Variants in ANKHD1 observed in about 807,000 individuals in gnomAD.
The protein encoded by ANKHD1 is ankyrin repeat and KH domain-containing protein 1.
Under a neutral mutation model 230.5 loss-of-function variants are expected in ANKHD1, and 31 were observed. That is an observed-to-expected ratio of 0.13 (90% CI 0.10 to 0.18). The LOEUF (loss-of-function observed/expected upper bound fraction) is 0.18. Ranked by LOEUF, ANKHD1 falls within the 10% of genes least tolerant of loss-of-function variation. ANKHD1 has a pLI of 1.00. For synonymous variants in ANKHD1, 1,074 were observed against 1,117.6 expected (o/e 0.96, Z 0.78); for missense variants, 2,256 against 3,071.3 (o/e 0.73, Z 6.27).
chr5:140,534,623 A>C (rs374317980), intron 29 of ANKHD1, among the ~76,000 whole-genome samples: 3 of 152,214 alleles, frequency 2.0e-5, no homozygotes, highest in Non-Finnish European at 2.9e-5. Context: ...TGGGGAAATC[A>C]AAGTCTGAAA....
intron 13 of ANKHD1, chr5:140,486,716 C>T: frequency 3.5e-6 from 1 of 285,534 alleles, no homozygotes; most frequent in Non-Finnish European, 6.7e-6. Context: ...TTCTATTCAG[C>T]AAGGGAGTAA....
intron 1 of ANKHD1, among the ~76,000 whole-genome samples, chr5:140,428,107 C>T (rs1241250144): frequency 6.6e-6 from 1 of 151,142 alleles, no homozygotes; most frequent in Non-Finnish European, 1.5e-5. Flanking sequence ...TCCTCACTTC[C>T]TAGATGGGAT....
chr5:140,529,838 A>G (rs1214558531), intron 29 of ANKHD1, 42 bp downstream of exon 29: 6 of 1,599,490 alleles, frequency 3.8e-6, no homozygotes, highest in Admixed American at 1.7e-5. Context: ...TGGAGCTCCT[A>G]TGGCCTAATC....
At chr5:140,404,776 C>G (rs1770284222) in intron 1 of ANKHD1, among the ~76,000 whole-genome samples, 1 of 150,952 alleles carries the variant, frequency 6.6e-6, no homozygotes. Context: ...TCCAGGCTAG[C>G]CTCAAACTCC....
intron 10 of ANKHD1, among the ~76,000 whole-genome samples, chr5:140,465,537 C>T (rs1455876149): frequency 1.3e-5 from 2 of 152,128 alleles, no homozygotes; most frequent in African/African-American, 4.8e-5. Context: ...TGATACATTT[C>T]TTAAAAACTT....
At chr5:140,493,312 G>A (rs1328857323) in intron 14 of ANKHD1, among the ~76,000 whole-genome samples, 2 of 152,098 alleles carry the variant, frequency 1.3e-5, no homozygotes, top group African/African-American at 2.4e-5. Context: ...TGATCCACCC[G>A]TCTTGGCCTC....
chr5:140,537,965 C>CT, intron 31 of ANKHD1, 121 bp from the exon 32 acceptor site: 1 of 1,415,498 alleles, frequency 7.1e-7, no homozygotes, highest in Non-Finnish European at 9.3e-7. Flanking sequence ...GATAAATACG[C>CT]TTTGAGCTCT....
chr5:140,510,045 A>G lies in ANKHD1; in HGVS notation c.3968A>G (p.Lys1323Arg). 1 of 1,613,888 alleles carries G rather than the reference A, an allele frequency of 6.2e-7. No individual in the cohort carries two copies. Among genetic ancestry groups the G allele is most frequent in the East Asian group, 2.2e-5 (1 of 44,876 alleles). ...HRGAHIDVRNKKGNTPLWLAS... is the reference protein window; with the variant it reads ...HRGAHIDVRNRKGNTPLWLAS... Reference sequence around the variant, plus strand: ...GGAGCCCACATTGATGTTCGTAACAAAAAGGGAAATACGCCACTTTGGCTG... The same window carrying G: ...GGAGCCCACATTGATGTTCGTAACAGAAAGGGAAATACGCCACTTTGGCTG... Residue 1323 changes from lysine to arginine, a missense_variant, in exon 22 of 34, where the codon AAA (lysine) becomes AGA (arginine). Lys to Arg is a conservative substitution (Grantham distance 26). Transcript: ENST00000360839.
At chr5:140,452,299 G>T (rs1044240136) in intron 7 of ANKHD1, among the ~76,000 whole-genome samples, 1 of 152,216 alleles carries the variant, frequency 6.6e-6, no homozygotes, top group African/African-American at 2.4e-5. Flanking sequence ...TGGGGGCAGG[G>T]CATAGCTGAA....
At chr5:140,513,341 A>G (rs772198423) in intron 23 of ANKHD1, 22 bp from the exon 24 acceptor site, 2 of 1,592,500 alleles carry the variant, frequency 1.3e-6, no homozygotes, top group South Asian at 1.2e-5. Context: ...ATATATTTAC[A>G]TAATTCTATT....
At chr5:140,466,503 C>A (rs1359157519) in intron 10 of ANKHD1, among the ~76,000 whole-genome samples, 1 of 151,930 alleles carries the variant, frequency 6.6e-6, no homozygotes, top group African/African-American at 2.4e-5. Context: ...ATATCTGTTA[C>A]ATTTTTAAAT....
intron 1 of ANKHD1, among the ~76,000 whole-genome samples, chr5:140,427,061 C>T (rs1230785920): frequency 5.9e-5 from 9 of 152,086 alleles, no homozygotes; most frequent in Admixed American, 4.6e-4. Context: ...GGTGGCCGGG[C>T]GGAGGGGCTC....
chr5:140,427,345 G>C (rs1434865524), intron 1 of ANKHD1, among the ~76,000 whole-genome samples: 14 of 134,534 alleles, frequency 1.0e-4, no homozygotes, highest in Non-Finnish European at 1.6e-4. Context: ...CCTCCCTCCC[G>C]GACGGGGCGG....
At position 140,485,575 on chromosome 5, in the gene ANKHD1, C is replaced by T. The variant is rs1297406718; in HGVS notation, c.1999-14C>T. The T allele has an allele frequency of 6.2e-7, 1 of 1,611,548 alleles. No individual in the cohort carries two copies. The highest frequency in any genetic ancestry group is 2.2e-5 in the East Asian group (1 of 44,818). On this transcript the variant is annotated splice_polypyrimidine_tract_variant and intron_variant, in intron 12 of 33. Coordinates refer to ENST00000360839, the MANE Select transcript of ANKHD1 (RefSeq NM_017747.3). The surrounding 1 kb of genome is among the most constrained non-coding windows in gnomAD (Gnocchi z 4.8). ...AACTATAAAGAATTAATTATCATGG[C>T]AATTCTTTTTCAGGATGGTTCAACA...
At chr5:140,468,813 A>G (rs1424668239) in intron 10 of ANKHD1, among the ~76,000 whole-genome samples, 1 of 152,236 alleles carries the variant, frequency 6.6e-6, no homozygotes, top group African/African-American at 2.4e-5. Flanking sequence ...TAGTTTTTAA[A>G]TATTACAAAT....
chr5:140,503,518 T>G (rs1436215203), intron 15 of ANKHD1, among the ~76,000 whole-genome samples: 1 of 146,624 alleles, frequency 6.8e-6, no homozygotes, highest in South Asian at 2.2e-4. Flanking sequence ...TTCAGAGATA[T>G]AAAATACATA....
chr5:140,505,384 G>T, intron 17 of ANKHD1, 151 bp downstream of exon 17: 1 of 1,032,378 alleles, frequency 9.7e-7, no homozygotes, highest in Non-Finnish European at 1.4e-6. Flanking sequence ...ATTCTGCGGA[G>T]CCAAATAATT....
intron 11 of ANKHD1, among the ~76,000 whole-genome samples, chr5:140,483,698 T>C (rs918931702): frequency 6.6e-6 from 1 of 152,172 alleles, no homozygotes; most frequent in Non-Finnish European, 1.5e-5. Context: ...CCTCAGGTGA[T>C]CTGCCCGCCT....
chr5:140,497,844 A>C (rs559489952), intron 15 of ANKHD1, among the ~76,000 whole-genome samples: 4 of 150,330 alleles, frequency 2.7e-5, no homozygotes, highest in Non-Finnish European at 4.4e-5. Context: ...TTTTGCATTA[A>C]CTTTCTTAAT....
Sources: allele counts gnomAD v4.1 joint callset (sites outside exome capture counted in the v4.1 genomes callset), GRCh38; gene constraint gnomAD v4.1.1; non-coding constraint Gnocchi (gnomAD v3.1); transcripts MANE v1.5; gene names NCBI Gene and HGNC (gene_info 2026-07-23, HGNC 2026-07-21).